Variants in ZNF475 observed in about 807,000 individuals in gnomAD.
ZNF475 encodes zinc finger protein 475.
the ZNF475 span, chr5:122,179,606 T>C: frequency 6.5e-7 from 1 of 1,531,068 alleles, no homozygotes; most frequent in South Asian, 1.2e-5. Flanking sequence ...GTCGTGAATA[T>C]GGAACAAAAT....
the ZNF475 span, chr5:122,179,566 G>A: frequency 1.3e-4 from 198 of 1,513,642 alleles, 1 homozygote; most frequent in African/African-American, 1.5e-3. Context: ...ATGATACGGC[G>A]TCCACCAGCA....
the ZNF475 span, chr5:122,182,418 CT>C: frequency 1.3e-5 from 16 of 1,241,452 alleles, no homozygotes; most frequent in Non-Finnish European, 1.7e-5. Flanking sequence ...TCCATTTTAC[CT>C]TTTTCTTTCC....
At chr5:122,164,561 G>A in the ZNF475 span, among the ~76,000 whole-genome samples, 2 of 152,242 alleles carry the variant, frequency 1.3e-5, no homozygotes, top group South Asian at 2.1e-4. Flanking sequence ...CCAGGGGCAT[G>A]CACACTTCAT....
chr5:122,169,309 G>A, the ZNF475 span, among the ~76,000 whole-genome samples: 2 of 152,128 alleles, frequency 1.3e-5, no homozygotes, highest in Admixed American at 6.5e-5. Context: ...TTCTGCTTCA[G>A]ACTCTTGTGG....
chr5:122,161,212 A>C, the ZNF475 span, among the ~76,000 whole-genome samples: 3 of 152,232 alleles, frequency 2.0e-5, no homozygotes, highest in African/African-American at 7.2e-5. Context: ...GAAATGACCT[A>C]CAAATTGAAG....
chr5:122,179,093 T>C, the ZNF475 span, among the ~76,000 whole-genome samples: 1 of 152,236 alleles, frequency 6.6e-6, no homozygotes, highest in African/African-American at 2.4e-5. Flanking sequence ...TCCATTGGTC[T>C]ATATAACTGT....
At chr5:122,177,424 G>C in the ZNF475 span, among the ~76,000 whole-genome samples, 7 of 152,160 alleles carry the variant, frequency 4.6e-5, no homozygotes, top group Non-Finnish European at 1.0e-4. Context: ...AATTATGCCT[G>C]ATTTATCTTT....
the ZNF475 span, chr5:122,160,192 A>T: frequency 7.8e-7 from 1 of 1,288,220 alleles, no homozygotes; most frequent in Non-Finnish European, 1.0e-6. Flanking sequence ...CCTTGGTGCC[A>T]ACCATGCCTG....
At chr5:122,169,763 C>T in the ZNF475 span, among the ~76,000 whole-genome samples, 15 of 152,196 alleles carry the variant, frequency 9.9e-5, no homozygotes, top group African/African-American at 3.6e-4. Flanking sequence ...GGATGGCCTG[C>T]TTCATCCACC....
At chr5:122,167,777 C>G in the ZNF475 span, among the ~76,000 whole-genome samples, 1 of 152,136 alleles carries the variant, frequency 6.6e-6, no homozygotes, top group African/African-American at 2.4e-5. Context: ...TTTTCATTAC[C>G]TTCCAAAATT....
chr5:122,180,264 A>G, the ZNF475 span, among the ~76,000 whole-genome samples: 1 of 152,214 alleles, frequency 6.6e-6, no homozygotes, highest in African/African-American at 2.4e-5. Flanking sequence ...TGCGCTGTGG[A>G]GCATCAGCTC....
chr5:122,160,365 G>C, the ZNF475 span: 1 of 973,436 alleles, frequency 1.0e-6, no homozygotes, highest in Admixed American at 2.4e-5. Flanking sequence ...GTCGAAGGTG[G>C]GGAAAGTTAC....
the ZNF475 span, among the ~76,000 whole-genome samples, chr5:122,172,109 C>A: frequency 6.6e-6 from 1 of 152,160 alleles, no homozygotes; most frequent in Non-Finnish European, 1.5e-5. Context: ...CTCTTTGAGT[C>A]ACAATCTCTA....
At chr5:122,169,658 A>G in the ZNF475 span, among the ~76,000 whole-genome samples, 1 of 152,168 alleles carries the variant, frequency 6.6e-6, no homozygotes, top group Non-Finnish European at 1.5e-5. Flanking sequence ...AGTTTGCACA[A>G]AACAGTCAAG....
chr5:122,166,134 GGAGGGTA>G, the ZNF475 span, among the ~76,000 whole-genome samples: 1 of 152,180 alleles, frequency 6.6e-6, no homozygotes, highest in Non-Finnish European at 1.5e-5. Context: ...ATTGTAGGCT[GGAGGGTA>G]GACAAGGGCA....
chr5:122,175,973 C>G, the ZNF475 span, among the ~76,000 whole-genome samples: 56 of 152,040 alleles, frequency 3.7e-4, no homozygotes, highest in African/African-American at 1.3e-3. Context: ...TAGCTTTTAC[C>G]CTTACCACTC....
the ZNF475 span, among the ~76,000 whole-genome samples, chr5:122,175,636 T>C: frequency 3.3e-5 from 5 of 152,168 alleles, no homozygotes; most frequent in African/African-American, 1.2e-4. Flanking sequence ...GAAGACTAAG[T>C]CCATGTATGT....
the ZNF475 span, among the ~76,000 whole-genome samples, chr5:122,182,274 C>A: frequency 1.3e-5 from 2 of 152,122 alleles, no homozygotes; most frequent in Non-Finnish European, 2.9e-5. Flanking sequence ...TTATTCAACA[C>A]TTGAAAGAGC....
chr5:122,171,358 G>A, the ZNF475 span, among the ~76,000 whole-genome samples: 1 of 152,156 alleles, frequency 6.6e-6, no homozygotes, highest in East Asian at 1.9e-4. Flanking sequence ...CCCCTAATTT[G>A]ACCTTAGTGA....
Sources: allele counts gnomAD v4.1 joint callset (sites outside exome capture counted in the v4.1 genomes callset), GRCh38; gene constraint gnomAD v4.1.1; transcripts MANE v1.5; gene names NCBI Gene and HGNC (gene_info 2026-07-23, HGNC 2026-07-21).